Variants in CDH18 observed in about 807,000 individuals in gnomAD.
The protein encoded by CDH18 is cadherin 18, also known as cadherin-18.
A neutral mutation model predicts 67.9 loss-of-function variants in CDH18; 31 were observed. That is an observed-to-expected ratio of 0.46 (90% CI 0.34 to 0.62). The LOEUF (loss-of-function observed/expected upper bound fraction) is 0.62, where lower values mean the gene tolerates loss of function less well. CDH18 is among the 20% of genes least tolerant of loss of function. CDH18 has a pLI of 0.01. For synonymous variants in CDH18, 362 were observed against 347.2 expected (o/e 1.04, Z -0.48); for missense variants, 890 against 975.5 (o/e 0.91, Z 1.17).
intron 6 of CDH18, among the ~76,000 whole-genome samples, chr5:19,592,504 AAATT>A (rs1204938502): frequency 1.3e-5 from 2 of 152,120 alleles, no homozygotes. Flanking sequence ...TACCAAGATT[AAATT>A]AATAGTGATT....
intron 2 of CDH18, among the ~76,000 whole-genome samples, chr5:20,109,866 A>G (rs1747307190): frequency 6.6e-6 from 1 of 152,172 alleles, no homozygotes; most frequent in South Asian, 2.1e-4. Context: ...ATACTTTTGG[A>G]TGTCTTCTAG....
chr5:20,138,287 A>G (rs1406249014), intron 2 of CDH18, among the ~76,000 whole-genome samples: 1 of 152,190 alleles, frequency 6.6e-6, no homozygotes, highest in African/African-American at 2.4e-5. Flanking sequence ...AAAACTCTCA[A>G]TAAACTAGGT....
intron 1 of CDH18, among the ~76,000 whole-genome samples, chr5:20,399,424 C>T (rs999552823): frequency 7.2e-5 from 11 of 151,964 alleles, no homozygotes; most frequent in African/African-American, 2.7e-4. Context: ...TTACTTCAGC[C>T]TGAGGTAGAA....
chr5:19,498,461 A>C lies in CDH18; in HGVS notation c.1630+4531T>G, dbSNP rs1445112889. Among the ~76,000 whole-genome samples the C allele has an allele frequency of 5.3e-5, 8 of 152,300 alleles. No homozygotes were observed. The East Asian group carries it at 1.4e-3, about 26-fold the overall frequency. On this transcript the variant is annotated intron_variant, in intron 11 of 12. Coordinates refer to ENST00000382275, the MANE Select transcript of CDH18 (RefSeq NM_004934.5). ...TTCCGTAGTCTTAAGGTATTTTACA[A>C]TAGTTACAATTAAAGATGATTGATA...
rs80143330 is a variant in CDH18 at position 19,644,846 on chromosome 5, C to T, written c.644-32245G>A. On this transcript the variant is annotated intron_variant, in intron 5 of 12. Transcript: ENST00000382275. ...CAAAAGATTTCAGATGGATAATGTG[C>T]AACCCCAAGGAGAAGACATCAGCAC... Among the ~76,000 whole-genome samples, 835 of 152,212 alleles carry T rather than the reference C, an allele frequency of 5.5e-3. 5 individuals carry two copies. Among genetic ancestry groups the T allele is most frequent in the African/African-American group, 0.019 (791 of 41,540 alleles).
At chr5:20,240,250 T>TA (rs1742795843) in intron 2 of CDH18, among the ~76,000 whole-genome samples, 1 of 148,272 alleles carries the variant, frequency 6.7e-6, no homozygotes, top group Non-Finnish European at 1.5e-5. Flanking sequence ...CATTAGTTTT[T>TA]ATCAAATTAA....
At chr5:20,040,080 C>T (rs919272648) in intron 2 of CDH18, among the ~76,000 whole-genome samples, 1 of 151,874 alleles carries the variant, frequency 6.6e-6, no homozygotes, top group Admixed American at 6.6e-5. Flanking sequence ...ATTTATGAGG[C>T]CAACAAACAT....
intron 2 of CDH18, among the ~76,000 whole-genome samples, chr5:20,002,795 C>T (rs948975724): frequency 6.6e-6 from 1 of 152,086 alleles, no homozygotes; most frequent in African/African-American, 2.4e-5. Flanking sequence ...GATCTGCTGC[C>T]ATCCACAATC....
At chr5:19,943,648 T>C (rs918498053) in intron 2 of CDH18, among the ~76,000 whole-genome samples, 2 of 152,036 alleles carry the variant, frequency 1.3e-5, no homozygotes, top group African/African-American at 4.8e-5. Context: ...CCTGAGTCTT[T>C]TAGAGAGAAT....
intron 2 of CDH18, among the ~76,000 whole-genome samples, chr5:20,069,560 C>T (rs1400145562): frequency 1.3e-5 from 2 of 151,796 alleles, no homozygotes; most frequent in Admixed American, 1.3e-4. Flanking sequence ...CTACAGGCAC[C>T]TGCCACCACG....
At position 20,329,095 on chromosome 5, in the gene CDH18, C is replaced by G. The variant is rs751249651; in HGVS notation, c.-579-73590G>C. Among the ~76,000 whole-genome samples, 21 of 152,130 alleles carry G rather than the reference C, an allele frequency of 1.4e-4. 1 individual carries two copies. The highest frequency in any genetic ancestry group is 2.5e-4 in the Non-Finnish European group (17 of 68,026). ...TTACAAGCATGAACTGTTTTAATAT[C>G]CAACTCCCCAAAACAAAGGAGCTAA... On this transcript the variant is annotated intron_variant, in intron 1 of 14. Coordinates refer to the CDH18 transcript ENST00000507958.
chr5:20,240,524 CTTCT>C (rs1378847453), intron 2 of CDH18, among the ~76,000 whole-genome samples: 2 of 152,092 alleles, frequency 1.3e-5, no homozygotes, highest in Non-Finnish European at 2.9e-5. Flanking sequence ...TCATTACTTC[CTTCT>C]TTCAATTCTG....
chr5:19,921,110 C>A (rs1195364067), intron 2 of CDH18, among the ~76,000 whole-genome samples: 1 of 151,974 alleles, frequency 6.6e-6, no homozygotes, highest in Non-Finnish European at 1.5e-5. Context: ...CAAAAAAATG[C>A]ACTTGAGGAA....
chr5:20,493,713 A>C (rs1371675778), intron 1 of CDH18, among the ~76,000 whole-genome samples: 1 of 152,124 alleles, frequency 6.6e-6, no homozygotes, highest in Non-Finnish European at 1.5e-5. Context: ...AAGCATGGGA[A>C]GAAATGGGGA....
intron 2 of CDH18, among the ~76,000 whole-genome samples, chr5:20,155,397 C>T (rs1270379768): frequency 2.6e-5 from 4 of 152,004 alleles, no homozygotes; most frequent in Non-Finnish European, 5.9e-5. Flanking sequence ...ACGTTCTTTG[C>T]CCACTTTAAA....
intron 2 of CDH18, among the ~76,000 whole-genome samples, chr5:20,167,834 A>C (rs1468612727): frequency 3.3e-5 from 5 of 152,196 alleles, no homozygotes; most frequent in Admixed American, 2.6e-4. Flanking sequence ...CTTGGACCTC[A>C]ATCTACTTTC....
intron 1 of CDH18, among the ~76,000 whole-genome samples, chr5:20,341,901 A>T (rs1377047754): frequency 6.6e-6 from 1 of 152,078 alleles, no homozygotes; most frequent in Admixed American, 6.6e-5. Context: ...AATACCTTTG[A>T]TCATATTTGG....
chr5:19,766,099 A>AGGCG (rs1316679594), intron 3 of CDH18, among the ~76,000 whole-genome samples: 3 of 152,074 alleles, frequency 2.0e-5, no homozygotes, highest in African/African-American at 7.2e-5. Context: ...GACTGGTCTC[A>AGGCG]AACTCCTGAC....
chr5:19,978,951 A>C (rs1798760830), intron 2 of CDH18, among the ~76,000 whole-genome samples: 1 of 152,134 alleles, frequency 6.6e-6, no homozygotes, highest in Non-Finnish European at 1.5e-5. Flanking sequence ...GTATGTGAAC[A>C]TCTTGGGGAC....
Sources: gnomAD v4.1 joint callset for allele counts (sites outside exome capture counted in the v4.1 genomes callset) on GRCh38, gnomAD v4.1.1 for gene constraint, MANE v1.5 for transcripts, NCBI Gene and HGNC (gene_info 2026-07-23, HGNC 2026-07-21) for gene names.